MAST4: variants seen among roughly 807,000 people sequenced by gnomAD.
MAST4 encodes the protein microtubule-associated serine/threonine-protein kinase 4.
MAST4 carries 89 observed loss-of-function variants against 162.7 expected under a neutral mutation model. The ratio of observed to expected loss-of-function variants is 0.55; its 90% CI spans 0.46 to 0.65. MAST4 has a LOEUF of 0.65. Among genes scored for constraint, MAST4 ranks in the 30% least tolerant of loss-of-function variants. The pLI, the probability that MAST4 is intolerant of heterozygous loss-of-function variation, is 0.00. For synonymous variants in MAST4, 1,479 were observed against 1,361.1 expected, an observed-to-expected ratio of 1.09 and a Z score of -1.91; for missense variants, 3,153 against 3,374.0, an observed-to-expected ratio of 0.93 and a Z score of 1.62.
intron 4 of MAST4, among the ~76,000 whole-genome samples, chr5:66,920,717 C>G (rs1294960153): frequency 6.6e-6 from 1 of 152,080 alleles, no homozygotes; most frequent in African/African-American, 2.4e-5. Context: ...CCTCGAACTC[C>G]CTACCTCAGG....
intron 3 of MAST4, among the ~76,000 whole-genome samples, chr5:66,791,479 TC>T (rs1755405155): frequency 6.6e-6 from 1 of 152,212 alleles, no homozygotes. Flanking sequence ...GAAGAGTACC[TC>T]CCAAAATCTA....
chr5:66,782,934 A>C (rs559836031), intron 2 of MAST4, among the ~76,000 whole-genome samples: 1 of 152,374 alleles, frequency 6.6e-6, no homozygotes, highest in African/African-American at 2.4e-5. Flanking sequence ...GAATTTATAT[A>C]AAGTTTGATG....
chr5:66,706,396 G>A (rs948073249), intron 1 of MAST4, among the ~76,000 whole-genome samples: 1 of 152,078 alleles, frequency 6.6e-6, no homozygotes, highest in East Asian at 1.9e-4. Flanking sequence ...CATATGAAAC[G>A]GGAGGACAAC....
At chr5:66,599,946 C>T (rs1294877243) in intron 1 of MAST4, among the ~76,000 whole-genome samples, 1 of 135,850 alleles carries the variant, frequency 7.4e-6, no homozygotes, top group Non-Finnish European at 1.5e-5. Flanking sequence ...TGTGTGTTTA[C>T]AGTAACATTG....
chr5:67,041,855 C>T (rs1756783967), intron 4 of MAST4, among the ~76,000 whole-genome samples: 1 of 152,242 alleles, frequency 6.6e-6, no homozygotes, highest in Admixed American at 6.5e-5. Flanking sequence ...TCTCAAACTC[C>T]TGACCTCAAG....
intron 1 of MAST4, among the ~76,000 whole-genome samples, chr5:66,650,335 C>T (rs1746136220): frequency 6.6e-6 from 1 of 152,056 alleles, no homozygotes; most frequent in South Asian, 2.1e-4. Context: ...GTGATATAAG[C>T]CTACCTGGCT....
chr5:66,987,613 T>G (rs2150265267), intron 4 of MAST4, among the ~76,000 whole-genome samples: 1 of 152,232 alleles, frequency 6.6e-6, no homozygotes, highest in South Asian at 2.1e-4. Flanking sequence ...TGAAAAAATG[T>G]GGTATTTTTC....
chr5:67,164,060 G>A lies in MAST4; in HGVS notation c.4881G>A (p.Ala1627=), dbSNP rs1171050437. The change falls in exon 29 of 29, where the codon GCG becomes GCA. Residue 1627 remains alanine (A), a synonymous_variant. Transcript: ENST00000403625. This position sits in a 1 kb window ranked among gnomAD's most constrained non-coding sequence, Gnocchi z 5.3. ...EGAMSDGRVP[A]EHRQGGGDFR... is the part of the protein sequence containing the mutation. The stretch of plus-strand genomic sequence containing the variant: ...CGATGTCGGATGGCCGGGTGCCTGC[G>A]GAGCACCGCCAGGGTGGCGGGGACT... 3.2e-6 allele frequency: 5 copies of A among 1,568,932 alleles called. No homozygotes were observed. The highest frequency in any genetic ancestry group is 1.2e-5 in the South Asian group (1 of 85,654).
At chr5:67,099,196 G>C (rs1764753712) in intron 7 of MAST4, among the ~76,000 whole-genome samples, 1 of 151,486 alleles carries the variant, frequency 6.6e-6, no homozygotes, top group Non-Finnish European at 1.5e-5. Context: ...TTGATTTCTT[G>C]ACTTGATTTA....
chr5:66,801,674 AGGTTT>A (rs1755928634), intron 3 of MAST4, among the ~76,000 whole-genome samples: 3 of 152,200 alleles, frequency 2.0e-5, no homozygotes, highest in Non-Finnish European at 4.4e-5. Flanking sequence ...CTTTTTGGAA[AGGTTT>A]ATTTTATTTT....
chr5:66,880,365 G>A (rs1761610971), intron 3 of MAST4, among the ~76,000 whole-genome samples: 1 of 152,180 alleles, frequency 6.6e-6, no homozygotes, highest in Non-Finnish European at 1.5e-5. Context: ...TGGGGACTAG[G>A]ATGGAAAGGA....
Position 66,823,738 on chromosome 5 carries a change from A to T in MAST4, c.642+34944A>T, listed in dbSNP as rs1372046127. 2.0e-5 allele frequency among the ~76,000 whole-genome samples: 3 copies of T among 152,112 alleles called. No homozygotes were observed. The East Asian group carries it at 5.8e-4, about 29-fold the overall frequency. On this transcript the variant is annotated intron_variant, in intron 3 of 28. Coordinates refer to ENST00000403625, the MANE Select transcript of MAST4 (RefSeq NM_001164664.2). ...TCGAACTCCTGACCTCAGGTGATCCACCTGCCTCAGCCTCTGAAAGTGTTG... is the reference window on the plus strand; with the variant it reads ...TCGAACTCCTGACCTCAGGTGATCCTCCTGCCTCAGCCTCTGAAAGTGTTG...
chr5:66,751,265 C>A (rs1490323560), intron 1 of MAST4, among the ~76,000 whole-genome samples: 1 of 152,182 alleles, frequency 6.6e-6, no homozygotes, highest in Non-Finnish European at 1.5e-5. Flanking sequence ...GAATGCAGTT[C>A]CTCACCAGCA....
chr5:67,104,423 A>G lies in MAST4; in HGVS notation c.1204A>G (p.Asn402Asp), dbSNP rs1765368213. Residue 402 changes from asparagine to aspartate, a missense_variant, in exon 10 of 29, where the codon AAC (asparagine) becomes GAC (aspartate). Coordinates refer to ENST00000403625, the MANE Select transcript of MAST4 (RefSeq NM_001164664.2). ...KEIITSYSPDNVLPLADGVLS... is the reference protein window; with the variant it reads ...KEIITSYSPDDVLPLADGVLS... ...AATTATCACCAGCTACTCTCCTGAC[A>G]ACGTTCTACCCTTAGCAGATGGAGT... 6.2e-7 allele frequency: 1 copy of G among 1,613,798 alleles called. No homozygotes were observed. The highest frequency in any genetic ancestry group is 1.1e-5 in the South Asian group (1 of 91,082).
intron 4 of MAST4, among the ~76,000 whole-genome samples, chr5:67,020,922 G>A (rs1247380906): frequency 5.9e-5 from 9 of 152,160 alleles, no homozygotes; most frequent in Non-Finnish European, 1.3e-4. Context: ...ATGGTCTGTG[G>A]CTCTTTGTGC....
At chr5:66,742,728 T>C (rs188296858) in intron 1 of MAST4, among the ~76,000 whole-genome samples, 82 of 152,266 alleles carry the variant, frequency 5.4e-4, no homozygotes, top group Admixed American at 9.8e-4. Context: ...TTGAGTAACT[T>C]TGTGCTCTTG....
chr5:66,803,137 T>C (rs1286339965), intron 3 of MAST4, among the ~76,000 whole-genome samples: 1 of 152,144 alleles, frequency 6.6e-6, no homozygotes, highest in Non-Finnish European at 1.5e-5. Flanking sequence ...CCTGGCAACA[T>C]TGTTGTAATA....
intron 1 of MAST4, among the ~76,000 whole-genome samples, chr5:66,757,650 G>A (rs1190734034): frequency 6.6e-6 from 1 of 152,118 alleles, no homozygotes; most frequent in East Asian, 1.9e-4. Flanking sequence ...GGAGGGGGGT[G>A]AAGAATCATA....
intron 3 of MAST4, among the ~76,000 whole-genome samples, chr5:66,880,473 A>G (rs1163724449): frequency 6.6e-6 from 1 of 152,250 alleles, no homozygotes; most frequent in Non-Finnish European, 1.5e-5. Flanking sequence ...AAAGAAATCC[A>G]GAGCTCTTGA....
Sources: gnomAD v4.1 joint callset for allele counts (sites outside exome capture counted in the v4.1 genomes callset) on GRCh38, gnomAD v4.1.1 for gene constraint, Gnocchi (gnomAD v3.1) non-coding constraint, MANE v1.5 for transcripts, NCBI Gene and HGNC (gene_info 2026-07-23, HGNC 2026-07-21) for gene names.